EIF4G3: variants seen among roughly 807,000 people sequenced by gnomAD.
EIF4G3 encodes eIF-4-gamma 3.
Under a neutral mutation model 186.4 loss-of-function variants are expected in EIF4G3, and 34 were observed. The ratio of observed to expected loss-of-function variants is 0.18; its 90% CI spans 0.14 to 0.24. The LOEUF (loss-of-function observed/expected upper bound fraction) is 0.24. EIF4G3 is among the 10% of genes least tolerant of loss of function. The pLI is 1.00. For missense variants in EIF4G3, 1,536 were observed against 1,948.5 expected, an observed-to-expected ratio of 0.79 and a Z score of 3.99; for synonymous variants, 673 against 679.5, an observed-to-expected ratio of 0.99 and a Z score of 0.15.
chr1:21,128,707 T>C (rs2097097338), intron 2 of EIF4G3, among the ~76,000 whole-genome samples: 1 of 152,220 alleles, frequency 6.6e-6, no homozygotes, highest in Admixed American at 6.5e-5. Context: ...CTCAATGCCT[T>C]GATTTCCTAA....
intron 35 of EIF4G3, among the ~76,000 whole-genome samples, chr1:20,811,767 T>C (rs2059287402): frequency 6.6e-6 from 1 of 152,114 alleles, no homozygotes; most frequent in African/African-American, 2.4e-5. Flanking sequence ...AAACATCACA[T>C]TGTACCCCAT....
At chr1:20,877,084 T>C (rs1390033801) in intron 20 of EIF4G3, among the ~76,000 whole-genome samples, 1 of 152,242 alleles carries the variant, frequency 6.6e-6, no homozygotes, top group East Asian at 1.9e-4. Flanking sequence ...TTTGTACTTA[T>C]TGCCAGATCA....
chr1:21,149,350 T>TC (rs1014325768), intron 2 of EIF4G3, among the ~76,000 whole-genome samples: 2 of 152,164 alleles, frequency 1.3e-5, no homozygotes, highest in Non-Finnish European at 2.9e-5. Flanking sequence ...TCTTTTTTTT[T>TC]CCCTGTATTT....
At chr1:20,908,168 G>T (rs2092583883) in intron 14 of EIF4G3, among the ~76,000 whole-genome samples, 1 of 151,962 alleles carries the variant, frequency 6.6e-6, no homozygotes, top group South Asian at 2.1e-4. Flanking sequence ...TTTTTCATGT[G>T]TTTTTTGGCT....
intron 6 of EIF4G3, among the ~76,000 whole-genome samples, chr1:20,999,026 C>T (rs2082917025): frequency 6.6e-6 from 1 of 152,156 alleles, no homozygotes; most frequent in South Asian, 2.1e-4. Flanking sequence ...GGAATTACTT[C>T]CCCAACTACC....
At chr1:21,027,842 T>C (rs2092330574) in intron 4 of EIF4G3, among the ~76,000 whole-genome samples, 1 of 152,190 alleles carries the variant, frequency 6.6e-6, no homozygotes, top group Admixed American at 6.5e-5. Flanking sequence ...TACATCCACA[T>C]TCATATCACT....
intron 17 of EIF4G3, 43 bp from the exon 18 acceptor site, chr1:20,893,679 C>T (rs763160336): frequency 1.4e-6 from 2 of 1,445,642 alleles, no homozygotes; most frequent in Non-Finnish European, 1.8e-6. Flanking sequence ...TGTTCCAGAG[C>T]ATTCCCTGCC....
chr1:20,883,704 A>T (rs2154554638), intron 19 of EIF4G3, among the ~76,000 whole-genome samples: 1 of 152,314 alleles, frequency 6.6e-6, no homozygotes, highest in Admixed American at 6.5e-5. Context: ...AAGAAAAAAA[A>T]TAAAGTAGAT....
At chr1:20,962,842 A>T (rs1438291987) in intron 12 of EIF4G3, among the ~76,000 whole-genome samples, 3 of 152,024 alleles carry the variant, frequency 2.0e-5, no homozygotes, top group Non-Finnish European at 4.4e-5. Flanking sequence ...ATAAAATTAC[A>T]TTAGTACAGT....
At chr1:21,163,764 T>G (rs1361232872) in intron 2 of EIF4G3, among the ~76,000 whole-genome samples, 1 of 152,132 alleles carries the variant, frequency 6.6e-6, no homozygotes, top group Non-Finnish European at 1.5e-5. Flanking sequence ...CAATTTTGTT[T>G]TTTGTTTGTT....
At chr1:21,149,870 A>G (rs1299859783) in intron 2 of EIF4G3, among the ~76,000 whole-genome samples, 1 of 152,234 alleles carries the variant, frequency 6.6e-6, no homozygotes, top group Non-Finnish European at 1.5e-5. Context: ...TCTGTCATCA[A>G]CTGACACAGA....
intron 3 of EIF4G3, among the ~76,000 whole-genome samples, chr1:21,052,559 CTCTCCCTCTCCCTCTCCCTCTCCCCACGG>C (rs1440374009): frequency 1.3e-4 from 20 of 148,700 alleles, no homozygotes; most frequent in African/African-American, 3.2e-4. Context: ...CCTCTCCCTC[CTCTCCCTCTCCCTCTCCCTCTCCCCACGG>C]TCTCCCTCTC....
At chr1:20,894,134 T>C (rs910761186) in intron 17 of EIF4G3, among the ~76,000 whole-genome samples, 2 of 152,164 alleles carry the variant, frequency 1.3e-5, no homozygotes, top group African/African-American at 4.8e-5. Flanking sequence ...TAGGTGATGA[T>C]TCATTTAAAA....
intron 31 of EIF4G3, 96 bp from the exon 32 acceptor site, chr1:20,827,794 G>C: frequency 1.4e-6 from 1 of 735,286 alleles, no homozygotes; most frequent in East Asian, 2.7e-5. Flanking sequence ...CAGATACTGT[G>C]CAACCTACAT....
intron 3 of EIF4G3, among the ~76,000 whole-genome samples, chr1:21,054,340 C>CGGAAGGCT (rs1273608111): frequency 7.5e-6 from 1 of 134,108 alleles, no homozygotes; most frequent in Non-Finnish European, 1.7e-5. Flanking sequence ...TGCGGAAGGC[C>CGGAAGGCT]GCAGGGTCCT....
chr1:21,117,034 TAA>T (rs2096837331), intron 2 of EIF4G3, among the ~76,000 whole-genome samples: 1 of 152,170 alleles, frequency 6.6e-6, no homozygotes, highest in Non-Finnish European at 1.5e-5. Flanking sequence ...CTCTATCTGA[TAA>T]AGACTACATA....
At chr1:20,979,045 G>A (rs2077435278) in intron 10 of EIF4G3, among the ~76,000 whole-genome samples, 1 of 152,030 alleles carries the variant, frequency 6.6e-6, no homozygotes, top group Non-Finnish European at 1.5e-5. Flanking sequence ...ATAAGTTTTT[G>A]CTTTGTTGGT....
chr1:21,148,718 A>C (rs2097498916), intron 2 of EIF4G3, among the ~76,000 whole-genome samples: 1 of 151,038 alleles, frequency 6.6e-6, no homozygotes, highest in African/African-American at 2.4e-5. Flanking sequence ...AAAAAAAAAA[A>C]AAAAAAAAGT....
chr1:21,068,375 T>TAAAAAAAAAAAAAAAAAAAAAAAAAA (rs869306512), intron 3 of EIF4G3, among the ~76,000 whole-genome samples: 9 of 67,830 alleles, frequency 1.3e-4, no homozygotes, highest in South Asian at 6.4e-4. Context: ...ACTCTGTCTT[T>TAAAAAAAAAAAAAAAAAAAAAAAAAA]AAAAAAAAAA....
Sources: allele counts gnomAD v4.1 joint callset (sites outside exome capture counted in the v4.1 genomes callset), GRCh38; gene constraint gnomAD v4.1.1; transcripts MANE v1.5; gene names NCBI Gene and HGNC (gene_info 2026-07-23, HGNC 2026-07-21).